Variants in ATXN2L observed in about 807,000 individuals in gnomAD.
ATXN2L encodes the protein ataxin 2 like.
ATXN2L carries 24 observed loss-of-function variants against 120.7 expected under a neutral mutation model. That is an observed-to-expected ratio of 0.20 (90% confidence interval 0.14 to 0.28). The LOEUF (loss-of-function observed/expected upper bound fraction) is 0.28, where lower values mean the gene tolerates loss of function less well. Ranked by LOEUF, ATXN2L falls within the 10% of genes least tolerant of loss-of-function variation. The pLI is 1.00. For missense variants in ATXN2L, 1,312 were observed against 1,432.3 expected (o/e 0.92, Z 1.36); for synonymous variants, 653 against 568.1 (o/e 1.15, Z -2.13).
chr16:28,835,618 C>T lies in ATXN2L; in HGVS notation c.2755C>T (p.Leu919=), dbSNP rs1224521341. The change falls in exon 21 of 22, where the codon CTG becomes TTG. Residue 919 remains leucine, a synonymous_variant. Transcript: ENST00000336783. ...GCAGAATCTGTACCACCCAGGGGCC[C>T]TGACAGGCACGCCGCCCTCTCTGCC... ...PQQNLYHPGA[L]TGTPPSLPPG... 2 of 1,614,066 alleles carry T rather than the reference C, an allele frequency of 1.2e-6. No homozygotes were observed. The highest frequency in any genetic ancestry group is 1.7e-4 in the Middle Eastern group (1 of 6,060).
chr16:28,833,352 T>C lies in ATXN2L; in HGVS notation c.1953T>C (p.Ala651=). 1 of 1,613,172 alleles carries C rather than the reference T, an allele frequency of 6.2e-7. No individual in the cohort carries two copies. Among genetic ancestry groups the C allele is most frequent in the African/African-American group, 1.3e-5 (1 of 75,028 alleles). Residue 651 remains alanine, a splice_region_variant and synonymous_variant, in exon 14 of 22, where the codon GCT becomes GCC. Transcript: ENST00000336783. ...AAGACAAAGATGAGGGCCCTGTTGC[T>C]GAGTGAGTGGAGCGGGGTGGGGCTC... is the stretch of plus-strand genomic sequence containing the variant. ...KGEDKDEGPV[A]EQVKKSTLNP... is the part of the protein sequence containing the mutation.
rs1157133920 is a variant in ATXN2L, at chr16:28,829,501, C to T, written c.833+9C>T. 1.3e-6 allele frequency: 2 copies of T among 1,555,430 alleles called. No individual in the cohort carries two copies. The highest frequency in any genetic ancestry group is 1.1e-5 in the South Asian group (1 of 89,828). ...AGTCTTTCTTCTTATACGTGAGTAT[C>T]TTGGTGCTCTCCAGGTGATGTGTTG... On this transcript the variant is annotated intron_variant, in intron 7 of 21. Transcript: ENST00000336783.
chr16:28,833,306 C>T lies in ATXN2L; in HGVS notation c.1907C>T (p.Pro636Leu), dbSNP rs564157371. 29 of 1,613,976 alleles carry T rather than the reference C, an allele frequency of 1.8e-5. No homozygotes were observed. The African/African-American group carries it at 2.1e-4, about 12-fold the overall frequency. Residue 636 changes from proline to leucine, a missense_variant, in exon 14 of 22, where the codon CCG (proline) becomes CTG (leucine). Pro to Leu is a moderately conservative substitution (Grantham distance 98). Transcript: ENST00000336783. ...PPCPSQTGSP[P>L]VGLIKGEDKD... ...TGTCCAAGCCAAACTGGCAGCCCCC[C>T]GGTGGGCCTCATCAAGGGAGAAGAC...
At position 28,832,942 on chromosome 16, in the gene ATXN2L, G is replaced by A. The variant is rs140564523; in HGVS notation, c.1659+55G>A. The stretch of plus-strand genomic sequence containing the variant: ...AGGGTAAAGGGGTTGGGAGTGGTTC[G>A]TAGATGAGGCAAAGGACTAGATAGG... On this transcript the variant is annotated intron_variant, in intron 13 of 21. Transcript: ENST00000336783. 237 of 1,603,950 alleles carry A rather than the reference G, an allele frequency of 1.5e-4. 2 individuals are homozygous for A. The East Asian group carries it at 4.9e-3, about 33-fold the overall frequency.
In ATXN2L at chr16:28,826,966, T is replaced by C; in HGVS notation, c.721T>C (p.Tyr241His). The change falls in exon 6 of 22, where the codon TAT (tyrosine) becomes CAT (histidine). Residue 241 changes from tyrosine (Y) to histidine (H), a missense_variant. Tyr to His is a moderately conservative substitution (Grantham distance 83). Transcript: ENST00000336783. ...WEGGDSNSDD[Y>H]DLESDMSNGW... is the part of the protein sequence containing the mutation. ...GGGGGGTGACAGCAACAGCGACGAC[T>C]ATGACCTCGAGTCTGACATGGTATA... The C allele has an allele frequency of 1.3e-6, 2 of 1,568,072 alleles. No homozygotes were observed. The highest frequency in any genetic ancestry group is 1.7e-6 in the Non-Finnish European group (2 of 1,152,094).
At chr16:28,826,049 C>T in intron 4 of ATXN2L, 191 bp from the exon 5 acceptor site, 1 of 837,094 alleles carries the variant, frequency 1.2e-6, no homozygotes. Flanking sequence ...TTTTGTGAGA[C>T]TTTTGCTAAG....
At chr16:28,831,189 A>G (rs1596928422) in intron 10 of ATXN2L, 117 bp downstream of exon 10, 6 of 786,724 alleles carry the variant, frequency 7.6e-6, no homozygotes, top group South Asian at 5.1e-5. Context: ...TGTTTTGGGC[A>G]TTTGGGATTT....
Position 28,823,605 on chromosome 16 carries a change from C to T in ATXN2L, c.299+47C>T, listed in dbSNP as rs948386346. On this transcript the variant is annotated intron_variant, in intron 1 of 21. Transcript: ENST00000336783. The stretch of plus-strand genomic sequence containing the variant: ...CGAGGGAGCCGCGGCCACCCAGAGG[C>T]TGTGGCTCGGTTCCGGTGGGGCGGA... 5.4e-6 allele frequency: 7 copies of T among 1,288,496 alleles called. No homozygotes were observed. In the South Asian group the frequency reaches 9.4e-5, roughly 17 times the overall value. 79.8% of individuals were successfully genotyped at this position (1,288,496 alleles called of 1,614,324 possible). A position where few individuals can be genotyped will look rare whatever the true frequency, so the allele number is the denominator to read the frequency against.
chr16:28,824,134 G>A, intron 1 of ATXN2L: 1 of 1,021,138 alleles, frequency 9.8e-7, no homozygotes, highest in Non-Finnish European at 1.2e-6. Context: ...CCTCTGGCGC[G>A]CGCGCCCCCT....
chr16:28,830,765 T>A lies in ATXN2L; in HGVS notation c.1185T>A (p.Gly395=), dbSNP rs772399829. Residue 395 remains glycine, a synonymous_variant, in exon 9 of 22, where the codon GGT becomes GGA. Transcript: ENST00000336783. ...TGGACAACAGCAGCCCTGGCCCAGG[T>A]TCTGAGGCCCGTGGTATCAATGGAG... ...HHLDNSSPGP[G]SEARGINGGP... is the part of the protein sequence containing the mutation. The A allele has an allele frequency of 1.2e-6, 2 of 1,608,244 alleles. No homozygotes were observed. The highest frequency in any genetic ancestry group is 4.5e-5 in the East Asian group (2 of 44,804).
In ATXN2L at chr16:28,837,101, C is replaced by G. The variant is rs1231869591; in HGVS notation, c.*836C>G. The G allele has an allele frequency of 1.9e-6, 1 of 523,070 alleles. No individual in the cohort carries two copies. The allele number at this position is 523,070 out of a possible 1,614,324, so 32.4% of individuals were successfully genotyped here. On this transcript the variant is annotated 3_prime_UTR_variant, in exon 22 of 22. Coordinates refer to ENST00000336783, the MANE Select transcript of ATXN2L (RefSeq NM_007245.4). ...TTCAGACTTGGGCCCCCTGTTCTTTCTTTCCCATTAACTTGAGTGACCTGT... is the reference window on the plus strand; with the variant it reads ...TTCAGACTTGGGCCCCCTGTTCTTTGTTTCCCATTAACTTGAGTGACCTGT...
In ATXN2L at chr16:28,834,351, G is replaced by T; in HGVS notation, c.2181G>T (p.Gln727His). ...TGTGTCCTCATCCCCAGGCACCTCAGATGTATCCATATCCTGTATCCAATT... is the reference window on the plus strand; with the variant it reads ...TGTGTCCTCATCCCCAGGCACCTCATATGTATCCATATCCTGTATCCAATT... ...IHMGPAVQAP[Q>H]MYPYPVSNSV... Residue 727 changes from glutamine to histidine, a missense_variant, in exon 17 of 22, where the codon CAG becomes CAT. Coordinates refer to ENST00000336783, the MANE Select transcript of ATXN2L (RefSeq NM_007245.4). 6.2e-7 allele frequency: 1 copy of T among 1,613,952 alleles called. No individual in the cohort carries two copies. Among genetic ancestry groups the T allele is most frequent in the Non-Finnish European group, 8.5e-7 (1 of 1,179,806 alleles).
At chr16:28,831,383 G>A (rs950698929) in intron 10 of ATXN2L, among the ~76,000 whole-genome samples, 5 of 151,842 alleles carry the variant, frequency 3.3e-5, no homozygotes, top group Non-Finnish European at 5.9e-5. Context: ...GCCAGAGTAC[G>A]GTGGCGCCAT....
In ATXN2L at chr16:28,823,498, A is replaced by C. The variant is rs1229712500; in HGVS notation, c.239A>C (p.Gln80Pro). The C allele has an allele frequency of 2.2e-6, 3 of 1,381,840 alleles. No individual in the cohort carries two copies. The highest frequency in any genetic ancestry group is 3.3e-5 in the Admixed American group (1 of 30,530). 85.6% of individuals were successfully genotyped at this position (1,381,840 alleles called of 1,614,324 possible). A position where few individuals can be genotyped will look rare whatever the true frequency, so the allele number is the denominator to read the frequency against. ...RRGAEGILAP[Q>P]PPPPQQHQER... is the part of the protein sequence containing the mutation. ...GGAGCCGAAGGCATCTTGGCGCCGC[A>C]GCCGCCGCCGCCGCAGCAACACCAG... The change falls in exon 1 of 22, where the codon CAG becomes CCG. Residue 80 changes from glutamine to proline, a missense_variant. By Grantham distance (76) the Gln-to-Pro change is moderately conservative (BLOSUM62 -1). Transcript: ENST00000336783.
At position 28,836,195 on chromosome 16, in the gene ATXN2L, G is replaced by A. The variant is rs1290865282; in HGVS notation, c.3158G>A (p.Gly1053Glu). The change falls in exon 22 of 22, where the codon GGG (glycine) becomes GAG (glutamate). Residue 1053 changes from glycine (G) to glutamate (E), a missense_variant. By Grantham distance (98) the Gly-to-Glu change is moderately conservative. Coordinates refer to ENST00000336783, the MANE Select transcript of ATXN2L (RefSeq NM_007245.4). Reference sequence around the variant, plus strand: ...AGGATTCGTGAGTTCTCATTAGCTGGGGGAATTTGGCATGGAAGAGCTGAG... The same window carrying A: ...AGGATTCGTGAGTTCTCATTAGCTGAGGGAATTTGGCATGGAAGAGCTGAG... ...DDRIREFSLA[G>E]GIWHGRAEGL... 5 of 1,614,116 alleles carry A rather than the reference G, an allele frequency of 3.1e-6. No individual in the cohort carries two copies. In the Admixed American group the frequency reaches 6.7e-5, roughly 22 times the overall value.
rs541454664 is a variant in ATXN2L at position 28,827,096 on chromosome 16, A to G, written c.741+110A>G. 9.7e-6 allele frequency: 11 copies of G among 1,137,848 alleles called. No homozygotes were observed. The African/African-American group carries it at 1.4e-4, about 15-fold the overall frequency. The allele number at this position is 1,137,848 out of a possible 1,614,324, so 70.5% of individuals were successfully genotyped here. On this transcript the variant is annotated intron_variant, in intron 6 of 21. Transcript: ENST00000336783. Reference sequence around the variant, plus strand: ...ATATTTACTGTTGCCCATTGATGGTAGTCAGATAACAAATAGAAAGGTATA... The same window carrying G: ...ATATTTACTGTTGCCCATTGATGGTGGTCAGATAACAAATAGAAAGGTATA...
In ATXN2L at chr16:28,829,584, T is replaced by G. The variant is rs141197173; in HGVS notation, c.833+92T>G. 48 of 1,041,626 alleles carry G rather than the reference T, an allele frequency of 4.6e-5. No individual in the cohort carries two copies. The African/African-American group carries it at 7.3e-4, about 16-fold the overall frequency. 64.5% of individuals were successfully genotyped at this position (1,041,626 alleles called of 1,614,324 possible). On this transcript the variant is annotated intron_variant, in intron 7 of 21. Coordinates refer to ENST00000336783, the MANE Select transcript of ATXN2L (RefSeq NM_007245.4). ...CCAGGTAGAACATAGTTTTTGCTCA[T>G]TTTTCTCTGGGTGTCCAGGGTCGCC...
chr16:28,832,520 C>T lies in ATXN2L; in HGVS notation c.1541C>T (p.Pro514Leu), dbSNP rs147052305. Residue 514 changes from proline to leucine, a missense_variant, in exon 12 of 22, where the codon CCT becomes CTT. Physicochemically the swap from Pro to Leu is moderately conservative, Grantham distance 98. Coordinates refer to ENST00000336783, the MANE Select transcript of ATXN2L (RefSeq NM_007245.4). ...TDVKELSTKE[P>L]GRTLEPQELA... ...GTAAAAGAACTCTCTACCAAGGAAC[C>T]TGGGAGAACTCTGGAGCCCCAGGAG... is the stretch of plus-strand genomic sequence containing the variant. 1.9e-6 allele frequency: 3 copies of T among 1,614,158 alleles called. No individual in the cohort carries two copies. The highest frequency in any genetic ancestry group is 2.5e-6 in the Non-Finnish European group (3 of 1,180,020).
rs745661688 is a variant in ATXN2L at position 28,835,348 on chromosome 16, G to A, written c.2634G>A (p.Thr878=). Residue 878 remains threonine (T), a synonymous_variant, in exon 20 of 22, where the codon ACG becomes ACA. Coordinates refer to ENST00000336783, the MANE Select transcript of ATXN2L (RefSeq NM_007245.4). ...CCCACCAGCCGCAGCCGGCTACCACGCCTACTGGAAGCCAGCCGCAGTCCC... is the reference window on the plus strand; with the variant it reads ...CCCACCAGCCGCAGCCGGCTACCACACCTACTGGAAGCCAGCCGCAGTCCC... The part of the protein sequence containing the change: ...LHAHQPQPAT[T]PTGSQPQSQH... The A allele has an allele frequency of 9.3e-6, 15 of 1,613,344 alleles. No homozygotes were observed. Among genetic ancestry groups the A allele is most frequent in the East Asian group, 2.2e-5 (1 of 44,878 alleles).
Sources: gnomAD v4.1 joint callset for allele counts (sites outside exome capture counted in the v4.1 genomes callset) on GRCh38, gnomAD v4.1.1 for gene constraint, MANE v1.5 for transcripts, NCBI Gene and HGNC (gene_info 2026-07-23, HGNC 2026-07-21) for gene names.